The following TMEM63C variants were observed in gnomAD, a reference collection of about 807,000 sequenced individuals.
The protein encoded by TMEM63C is osmosensitive cation channel TMEM63C.
A neutral mutation model predicts 99.2 loss-of-function variants in TMEM63C; 32 were observed. The ratio of observed to expected loss-of-function variants is 0.32; its 90% CI spans 0.24 to 0.43. TMEM63C has a LOEUF of 0.43. TMEM63C is among the 20% of genes least tolerant of loss of function. TMEM63C has a pLI of 1.00. For synonymous variants in TMEM63C, 376 were observed against 397.9 expected, an observed-to-expected ratio of 0.94 and a Z score of 0.66; for missense variants, 826 against 1,053.0, an observed-to-expected ratio of 0.78 and a Z score of 2.98.
chr14:77,216,407 G>A (rs970460833), intron 2 of TMEM63C, among the ~76,000 whole-genome samples: 1 of 152,182 alleles, frequency 6.6e-6, no homozygotes, highest in Non-Finnish European at 1.5e-5. Context: ...TTGCCTCGAA[G>A]AGTTGTCGCT....
At chr14:77,182,162 T>G (rs774994857) in intron 1 of TMEM63C, among the ~76,000 whole-genome samples, 16 of 152,014 alleles carry the variant, frequency 1.1e-4, no homozygotes, top group Admixed American at 2.0e-4. Context: ...CTTCACTGGG[T>G]TGGGGGAACG....
rs566496925 is a variant in TMEM63C, at chr14:77,217,723, T to C, written c.-13-1078T>C. Among the ~76,000 whole-genome samples the C allele has an allele frequency of 7.2e-5, 11 of 152,346 alleles. No individual in the cohort carries two copies. The East Asian group carries it at 1.5e-3, about 21-fold the overall frequency. Reference sequence around the variant, plus strand: ...GATGCCAGGGACGGCAGGCTCTGCATTGGTGTCTCACCAAAATGTTCAGGC... The same window carrying C: ...GATGCCAGGGACGGCAGGCTCTGCACTGGTGTCTCACCAAAATGTTCAGGC... On this transcript the variant is annotated intron_variant, in intron 2 of 23. Transcript: ENST00000298351.
chr14:77,216,380 T>A (rs1888586818), intron 2 of TMEM63C, among the ~76,000 whole-genome samples: 1 of 152,210 alleles, frequency 6.6e-6, no homozygotes, highest in Non-Finnish European at 1.5e-5. Context: ...CTACATTCTC[T>A]TCTGTAATTC....
chr14:77,248,007 A>T (rs1889293061), intron 18 of TMEM63C, among the ~76,000 whole-genome samples: 1 of 152,154 alleles, frequency 6.6e-6, no homozygotes, highest in Non-Finnish European at 1.5e-5. Context: ...GACCCCCCAG[A>T]AACCCACTCA....
intron 2 of TMEM63C, among the ~76,000 whole-genome samples, chr14:77,216,282 A>G (rs1044781606): frequency 6.6e-6 from 1 of 151,986 alleles, no homozygotes; most frequent in Non-Finnish European, 1.5e-5. Context: ...ACTGGCTGCT[A>G]CTTCTCAGTC....
At chr14:77,225,572 G>C in intron 6 of TMEM63C, 111 bp downstream of exon 6, 1 of 1,093,534 alleles carries the variant, frequency 9.1e-7, no homozygotes, top group Non-Finnish European at 1.3e-6. Flanking sequence ...CCTGAGCTCC[G>C]TATCCTCCCC....
intron 1 of TMEM63C, among the ~76,000 whole-genome samples, chr14:77,182,208 C>A (rs541118752): frequency 3.5e-4 from 54 of 152,140 alleles, no homozygotes; most frequent in African/African-American, 1.3e-3. Context: ...GGGTCCCCGG[C>A]CTCCTGCCTG....
rs530102978 is a variant in TMEM63C at position 77,240,111 on chromosome 14, G to A, written c.931-364G>A. Reference sequence around the variant, plus strand: ...CTGACCACTGTGGCTCAAAGAGGGCGTCGAGACTCAGACACCTGCTTCAGG... The same window carrying A: ...CTGACCACTGTGGCTCAAAGAGGGCATCGAGACTCAGACACCTGCTTCAGG... On this transcript the variant is annotated intron_variant, in intron 12 of 23. Transcript: ENST00000298351. Among the ~76,000 whole-genome samples, 8 of 152,304 alleles carry A rather than the reference G, an allele frequency of 5.3e-5. No individual in the cohort carries two copies. The South Asian group carries it at 1.2e-3, about 24-fold the overall frequency.
chr14:77,198,766 C>T (rs1041385811), intron 1 of TMEM63C, among the ~76,000 whole-genome samples: 5 of 152,184 alleles, frequency 3.3e-5, no homozygotes, highest in African/African-American at 7.2e-5. Context: ...AGGAGGGAAG[C>T]AGCGCAGCTC....
chr14:77,241,242 C>T (rs548679285), intron 13 of TMEM63C, among the ~76,000 whole-genome samples: 19 of 152,296 alleles, frequency 1.2e-4, no homozygotes, highest in African/African-American at 4.1e-4. Flanking sequence ...TGAGCCACTG[C>T]GCCCAGCTGA....
chr14:77,238,964 G>A (rs1889108920), intron 10 of TMEM63C, among the ~76,000 whole-genome samples, 197 bp downstream of exon 10: 1 of 152,204 alleles, frequency 6.6e-6, no homozygotes, highest in African/African-American at 2.4e-5. Flanking sequence ...TGAAGTCAGG[G>A]ACTTCCTGCA....
At chr14:77,214,859 T>G (rs923456905) in intron 2 of TMEM63C, among the ~76,000 whole-genome samples, 1 of 152,094 alleles carries the variant, frequency 6.6e-6, no homozygotes, top group Admixed American at 6.5e-5. Context: ...CTCCCTCTGC[T>G]CTACACTTAC....
At chr14:77,216,615 G>T (rs1474049067) in intron 2 of TMEM63C, among the ~76,000 whole-genome samples, 1 of 151,994 alleles carries the variant, frequency 6.6e-6, no homozygotes, top group African/African-American at 2.4e-5. Context: ...TTCCATAACA[G>T]CAACTCTATC....
intron 1 of TMEM63C, among the ~76,000 whole-genome samples, chr14:77,182,099 G>A (rs1887924061): frequency 6.6e-6 from 1 of 152,144 alleles, no homozygotes. Context: ...TTGTACCCAG[G>A]AAAGGGTGGC....
At chr14:77,254,956 A>G (rs1308456918) in intron 23 of TMEM63C, among the ~76,000 whole-genome samples, 1 of 152,220 alleles carries the variant, frequency 6.6e-6, no homozygotes, top group Non-Finnish European at 1.5e-5. Flanking sequence ...TAGTTTTGCT[A>G]AAATGAAATA....
intron 1 of TMEM63C, among the ~76,000 whole-genome samples, chr14:77,189,978 G>A (rs1185981851): frequency 6.6e-6 from 1 of 152,132 alleles, no homozygotes; most frequent in Non-Finnish European, 1.5e-5. Flanking sequence ...TAGGGTCCTG[G>A]GGGGAAAATC....
chr14:77,230,670 C>CT (rs1363226456), intron 6 of TMEM63C, among the ~76,000 whole-genome samples: 1 of 152,134 alleles, frequency 6.6e-6, no homozygotes, highest in Non-Finnish European at 1.5e-5. Context: ...TTATGAGACT[C>CT]TAACTAATGC....
chr14:77,202,942 C>A (rs1341832585), intron 1 of TMEM63C, among the ~76,000 whole-genome samples: 1 of 152,050 alleles, frequency 6.6e-6, no homozygotes, highest in East Asian at 1.9e-4. Context: ...TCAGAGCTAT[C>A]CACTCCTCCT....
In TMEM63C at chr14:77,244,337, C is replaced by A. The variant is rs1207430633; in HGVS notation, c.1342-12C>A. ...GACGTCTCTCCTGCCGTCCTCCCCT[C>A]TCCCCCTGCAGAACCCAATTGTGAC... On this transcript the variant is annotated splice_polypyrimidine_tract_variant and intron_variant, in intron 15 of 23. Coordinates refer to ENST00000298351, the MANE Select transcript of TMEM63C (RefSeq NM_020431.4). 1 of 1,603,988 alleles carries A rather than the reference C, an allele frequency of 6.2e-7. No individual in the cohort carries two copies. The highest frequency in any genetic ancestry group is 1.1e-5 in the South Asian group (1 of 90,802).
Sources: gnomAD v4.1 joint callset for allele counts (sites outside exome capture counted in the v4.1 genomes callset) on GRCh38, gnomAD v4.1.1 for gene constraint, MANE v1.5 for transcripts, NCBI Gene and HGNC (gene_info 2026-07-23, HGNC 2026-07-21) for gene names.